Variants in PRLR observed in about 807,000 individuals in gnomAD.
PRLR encodes the protein prolactin receptor, also known as hPRL receptor.
In PRLR, 13 loss-of-function variants were observed where a neutral mutation model predicts 40.2. That is an observed-to-expected ratio of 0.32 (90% CI 0.21 to 0.51). The LOEUF is 0.51. PRLR is among the 20% of genes least tolerant of loss of function. PRLR has a pLI of 0.97. For missense variants in PRLR, 656 were observed against 747.3 expected (o/e 0.88, Z 1.42); for synonymous variants, 269 against 278.7 (o/e 0.97, Z 0.35).
At chr5:35,172,393 T>C (rs1261240044) in intron 1 of PRLR, among the ~76,000 whole-genome samples, 1 of 151,946 alleles carries the variant, frequency 6.6e-6, no homozygotes, top group African/African-American at 2.4e-5. Flanking sequence ...AGGGAAGGAG[T>C]GAGGCTGAGG....
chr5:35,066,798 C>T (rs1352567968), intron 9 of PRLR, among the ~76,000 whole-genome samples: 5 of 132,624 alleles, frequency 3.8e-5, no homozygotes, highest in Non-Finnish European at 6.1e-5. Flanking sequence ...GAGTCTCGCT[C>T]TGTTGCCCAG....
intron 2 of PRLR, among the ~76,000 whole-genome samples, chr5:35,106,498 C>A (rs1233833763): frequency 6.6e-6 from 1 of 152,144 alleles, no homozygotes; most frequent in Non-Finnish European, 1.5e-5. Flanking sequence ...CATGCAGAGA[C>A]ACACATAGGC....
chr5:35,182,043 T>C (rs916996141), intron 1 of PRLR, among the ~76,000 whole-genome samples: 1 of 152,140 alleles, frequency 6.6e-6, no homozygotes, highest in Non-Finnish European at 1.5e-5. Context: ...AAGACTAACA[T>C]GTTGGTCCAC....
chr5:35,143,049 A>T (rs1774067988), intron 1 of PRLR, among the ~76,000 whole-genome samples: 1 of 152,264 alleles, frequency 6.6e-6, no homozygotes, highest in Non-Finnish European at 1.5e-5. Flanking sequence ...AGTTTCTATA[A>T]ATTGTTGATA....
At chr5:35,185,496 A>G (rs528620152) in intron 1 of PRLR, among the ~76,000 whole-genome samples, 94 of 152,110 alleles carry the variant, frequency 6.2e-4, no homozygotes, top group African/African-American at 2.2e-3. Flanking sequence ...AACTAAAATT[A>G]TGGGCCCAGG....
At chr5:35,135,156 T>C (rs1241149741) in intron 1 of PRLR, 1 of 151,388 alleles carries the variant, frequency 6.6e-6, no homozygotes, top group Admixed American at 6.6e-5. Flanking sequence ...AAACAAATAC[T>C]TCTTTATCAT....
intron 1 of PRLR, among the ~76,000 whole-genome samples, chr5:35,142,390 G>A (rs1460583142): frequency 1.3e-5 from 2 of 152,144 alleles, no homozygotes; most frequent in Non-Finnish European, 2.9e-5. Flanking sequence ...TTTAGGAAAT[G>A]GGGAGAAAGG....
chr5:35,142,150 G>A (rs1046711954), intron 1 of PRLR, among the ~76,000 whole-genome samples: 2 of 152,180 alleles, frequency 1.3e-5, no homozygotes, highest in East Asian at 3.8e-4. Context: ...GAATAGGTTG[G>A]CCAAACAAAA....
At chr5:35,139,954 A>T (rs1166114386) in intron 1 of PRLR, among the ~76,000 whole-genome samples, 1 of 152,244 alleles carries the variant, frequency 6.6e-6, no homozygotes, top group African/African-American at 2.4e-5. Context: ...AGAGAAAATA[A>T]AAGTCTTTGA....
At chr5:35,066,399 T>G (rs1769371852) in intron 9 of PRLR, among the ~76,000 whole-genome samples, 1 of 152,184 alleles carries the variant, frequency 6.6e-6, no homozygotes, top group Admixed American at 6.5e-5. Flanking sequence ...AAATGAAGGT[T>G]TGTGAAACTT....
At chr5:35,160,057 G>GT (rs1317818015) in intron 1 of PRLR, among the ~76,000 whole-genome samples, 3 of 152,162 alleles carry the variant, frequency 2.0e-5, no homozygotes, top group Non-Finnish European at 4.4e-5. Context: ...ATTACCCAAG[G>GT]TACAGGATCA....
At position 35,100,722 on chromosome 5, in the gene PRLR, C is replaced by T. The variant is rs542270785; in HGVS notation, c.-43-11059G>A. 1.4e-3 allele frequency among the ~76,000 whole-genome samples: 218 copies of T among 152,164 alleles called. 2 individuals carry two copies. Among genetic ancestry groups the T allele is most frequent in the Non-Finnish European group, 2.7e-3 (187 of 68,032 alleles). ...AAAGTATCCCCATTGTCAAGCGATG[C>T]ATGACTGTACTTCTAGCCTAGTCCT... is the stretch of plus-strand genomic sequence containing the variant. On this transcript the variant is annotated intron_variant, in intron 2 of 9. Transcript: ENST00000618457.
chr5:35,117,285 A>T (rs1399739365), intron 2 of PRLR, among the ~76,000 whole-genome samples: 5 of 152,284 alleles, frequency 3.3e-5, no homozygotes, highest in Admixed American at 2.6e-4. Flanking sequence ...GGCCCCAAGA[A>T]GTCCCAGGAA....
At chr5:35,129,576 G>A (rs151126692) in intron 1 of PRLR, among the ~76,000 whole-genome samples, 5 of 152,206 alleles carry the variant, frequency 3.3e-5, no homozygotes, top group Non-Finnish European at 7.4e-5. Context: ...TGGACCTCAA[G>A]TCTGAAAAGA....
chr5:35,134,414 G>A (rs1018730154), intron 1 of PRLR, among the ~76,000 whole-genome samples: 2 of 151,980 alleles, frequency 1.3e-5, no homozygotes, highest in African/African-American at 2.4e-5. Context: ...GTGGGGGAGG[G>A]GGTTGGTGGG....
intron 9 of PRLR, among the ~76,000 whole-genome samples, chr5:35,067,966 G>A (rs935243830): frequency 3.3e-5 from 5 of 152,030 alleles, no homozygotes; most frequent in African/African-American, 1.2e-4. Flanking sequence ...GAGTAGATCT[G>A]ATAAATCAAT....
At chr5:35,053,916 G>A (rs1480037387), downstream of PRLR, among the ~76,000 whole-genome samples, 3 of 152,062 alleles carry the variant, frequency 2.0e-5, no homozygotes, top group African/African-American at 7.2e-5. Flanking sequence ...TATAAAATAT[G>A]GTAATAAAAC....
At chr5:35,089,846 A>G (rs1771092548) in intron 2 of PRLR, among the ~76,000 whole-genome samples, 183 bp from the exon 3 acceptor site, 1 of 152,182 alleles carries the variant, frequency 6.6e-6, no homozygotes, top group Admixed American at 6.5e-5. Context: ...ACATCAATTC[A>G]CACACGCTGG....
intron 1 of PRLR, among the ~76,000 whole-genome samples, chr5:35,184,639 C>G (rs1385609545): frequency 6.6e-6 from 1 of 152,204 alleles, no homozygotes; most frequent in East Asian, 1.9e-4. Flanking sequence ...TGGACCCTCG[C>G]CTGTTGTGTC....
Sources: allele counts gnomAD v4.1 joint callset (sites outside exome capture counted in the v4.1 genomes callset), GRCh38; gene constraint gnomAD v4.1.1; transcripts MANE v1.5; gene names NCBI Gene and HGNC (gene_info 2026-07-23, HGNC 2026-07-21).